Variants in NRXN1 observed in about 807,000 individuals in gnomAD.
NRXN1 encodes the protein neurexin-1.
NRXN1 carries 39 observed loss-of-function variants against 150.9 expected under a neutral mutation model. That is an observed-to-expected ratio of 0.26 (90% CI 0.20 to 0.34). NRXN1 has a LOEUF of 0.34. NRXN1 is among the 10% of genes least tolerant of loss of function. The probability of loss-of-function intolerance (pLI) is 1.00; values close to 1 mark genes in which losing one functional copy is unlikely to be tolerated. For synonymous variants in NRXN1, 924 were observed against 757.0 expected, an observed-to-expected ratio of 1.22 and a Z score of -3.62; for missense variants, 1,815 against 1,949.9, an observed-to-expected ratio of 0.93 and a Z score of 1.30.
intron 5 of NRXN1, among the ~76,000 whole-genome samples, chr2:50,788,397 T>G (rs919263604): frequency 6.6e-6 from 1 of 152,046 alleles, no homozygotes; most frequent in Non-Finnish European, 1.5e-5. Flanking sequence ...TCCCCACTGG[T>G]TTTAAGCACT....
intron 5 of NRXN1, among the ~76,000 whole-genome samples, chr2:50,797,382 C>T (rs1330131382): frequency 1.3e-5 from 2 of 152,038 alleles, no homozygotes; most frequent in South Asian, 2.1e-4. Flanking sequence ...TTATGACACA[C>T]TTGATTGTCA....
chr2:50,472,829 G>GTGTGTA (rs746794432), intron 15 of NRXN1, among the ~76,000 whole-genome samples: 37 of 79,804 alleles, frequency 4.6e-4, no homozygotes, highest in East Asian at 1.6e-3. Context: ...GTGTGTGTGT[G>GTGTGTA]TATATATATA....
chr2:50,616,457 GT>G (rs1465550622), intron 8 of NRXN1: 5 of 152,144 alleles, frequency 3.3e-5, no homozygotes, highest in Non-Finnish European at 5.9e-5. Context: ...GAGATTATAG[GT>G]TGTTTCAATA....
intron 15 of NRXN1, among the ~76,000 whole-genome samples, chr2:50,483,050 CAAAAAAAAAAAAAA>C (rs70948712): frequency 4.5e-4 from 34 of 75,406 alleles, no homozygotes; most frequent in African/African-American, 1.8e-3. Context: ...GACTCCGTGT[CAAAAAAAAAAAAAA>C]AAAAAAAAAG....
chr2:50,844,134 G>T (rs1430541676), intron 5 of NRXN1, among the ~76,000 whole-genome samples: 2 of 152,106 alleles, frequency 1.3e-5, no homozygotes, highest in African/African-American at 4.8e-5. Context: ...TACTAGTCTT[G>T]CAAGATCGGG....
At chr2:50,647,953 C>T (rs989698183) in intron 5 of NRXN1, among the ~76,000 whole-genome samples, 15 of 151,782 alleles carry the variant, frequency 9.9e-5, no homozygotes, top group Middle Eastern at 3.4e-3. Context: ...TACACACATA[C>T]AAATAAAGGA....
intron 5 of NRXN1, among the ~76,000 whole-genome samples, chr2:50,735,330 T>G (rs1207321773): frequency 2.6e-5 from 4 of 151,914 alleles, no homozygotes; most frequent in Non-Finnish European, 5.9e-5. Context: ...TTACAAAGAT[T>G]AACACAAATA....
At chr2:50,236,994 A>G in intron 17 of NRXN1, 24 bp from the exon 18 acceptor site, 4 of 1,609,960 alleles carry the variant, frequency 2.5e-6, no homozygotes, top group Non-Finnish European at 2.5e-6. Context: ...ACCAAAACCA[A>G]TTAGTCCAAA....
At chr2:50,876,886 CA>C (rs1678674193) in intron 5 of NRXN1, among the ~76,000 whole-genome samples, 2 of 151,678 alleles carry the variant, frequency 1.3e-5, no homozygotes. Flanking sequence ...AAATTTAAAA[CA>C]AAAAATAATC....
intron 9 of NRXN1, among the ~76,000 whole-genome samples, chr2:50,541,540 TAA>T (rs1235841153): frequency 5.9e-5 from 9 of 152,186 alleles, no homozygotes; most frequent in African/African-American, 1.7e-4. Flanking sequence ...CAAAGTATTG[TAA>T]GAGAGTTCAA....
intron 17 of NRXN1, among the ~76,000 whole-genome samples, chr2:50,427,932 A>G (rs1445742958): frequency 1.3e-5 from 2 of 152,184 alleles, no homozygotes; most frequent in East Asian, 1.9e-4. Context: ...AGTCTGAAAA[A>G]TGGATACAAA....
chr2:50,609,385 A>G (rs558632351), intron 8 of NRXN1, among the ~76,000 whole-genome samples: 1 of 152,240 alleles, frequency 6.6e-6, no homozygotes, highest in East Asian at 1.9e-4. Context: ...ATGTGACTGC[A>G]TAGGTTATAA....
At chr2:50,086,629 T>C (rs1698805348) in intron 19 of NRXN1, among the ~76,000 whole-genome samples, 1 of 152,214 alleles carries the variant, frequency 6.6e-6, no homozygotes, top group African/African-American at 2.4e-5. Context: ...TCAGGTTTTC[T>C]GGATCCTCCT....
intron 15 of NRXN1, among the ~76,000 whole-genome samples, chr2:50,473,335 C>T (rs1217941697): frequency 6.6e-6 from 1 of 151,402 alleles, no homozygotes; most frequent in Non-Finnish European, 1.5e-5. Flanking sequence ...GTTTGAGATT[C>T]CCCAACTTTA....
intron 8 of NRXN1, among the ~76,000 whole-genome samples, chr2:50,553,271 C>A (rs1204327979): frequency 6.6e-6 from 1 of 152,198 alleles, no homozygotes; most frequent in Non-Finnish European, 1.5e-5. Flanking sequence ...TGCATATACA[C>A]ACAAACTGCT....
chr2:50,921,299 T>C (rs1035648045), intron 5 of NRXN1, among the ~76,000 whole-genome samples: 2 of 151,802 alleles, frequency 1.3e-5, no homozygotes, highest in Non-Finnish European at 2.9e-5. Flanking sequence ...CATAGCTAGT[T>C]GATAATGCCC....
At chr2:50,309,775 A>G (rs918152307) in intron 17 of NRXN1, among the ~76,000 whole-genome samples, 4 of 152,096 alleles carry the variant, frequency 2.6e-5, no homozygotes, top group African/African-American at 7.2e-5. Context: ...CACTTACTCA[A>G]ATTAGCCTCC....
At chr2:50,096,722 T>C (rs1216268698) in intron 18 of NRXN1, among the ~76,000 whole-genome samples, 1 of 152,220 alleles carries the variant, frequency 6.6e-6, no homozygotes, top group Admixed American at 6.5e-5. Flanking sequence ...GTGACAATGG[T>C]AATTATTGAT....
intron 22 of NRXN1, among the ~76,000 whole-genome samples, chr2:49,930,817 G>T (rs1291313758): frequency 3.9e-5 from 6 of 152,152 alleles, no homozygotes; most frequent in Admixed American, 3.9e-4. Context: ...AATTTTCAAG[G>T]GTAAACTAGG....
Sources: gnomAD v4.1 joint callset for allele counts (sites outside exome capture counted in the v4.1 genomes callset) on GRCh38, gnomAD v4.1.1 for gene constraint, MANE v1.5 for transcripts, NCBI Gene and HGNC (gene_info 2026-07-23, HGNC 2026-07-21) for gene names.